PTPRE: variants seen among roughly 807,000 people sequenced by gnomAD.
PTPRE encodes receptor-type tyrosine-protein phosphatase epsilon.
In PTPRE, 51 loss-of-function variants were observed where a neutral mutation model predicts 102.0. The observed-to-expected ratio is 0.50, with a 90% CI of 0.40 to 0.63. The LOEUF (loss-of-function observed/expected upper bound fraction) is 0.63, where lower values mean the gene tolerates loss of function less well. PTPRE is among the 30% of genes least tolerant of loss of function. The pLI is 0.00. For missense variants in PTPRE, 752 were observed against 915.1 expected, an observed-to-expected ratio of 0.82 and a Z score of 2.30; for synonymous variants, 345 against 348.2, an observed-to-expected ratio of 0.99 and a Z score of 0.10.
At chr10:127,926,209 C>T (rs1039167292) in intron 1 of PTPRE, among the ~76,000 whole-genome samples, 1 of 152,190 alleles carries the variant, frequency 6.6e-6, no homozygotes, top group Admixed American at 6.5e-5. Flanking sequence ...TGCTTGCAGC[C>T]TCTCATGCAG....
intron 1 of PTPRE, among the ~76,000 whole-genome samples, chr10:127,937,938 G>T (rs1013586311): frequency 1.3e-5 from 2 of 152,112 alleles, no homozygotes; most frequent in African/African-American, 2.4e-5. Flanking sequence ...TCTCTGTGGC[G>T]TGTGACCTGG....
At chr10:128,078,382 C>T (rs1047362359) in intron 19 of PTPRE, among the ~76,000 whole-genome samples, 3 of 152,244 alleles carry the variant, frequency 2.0e-5, no homozygotes, top group African/African-American at 7.2e-5. Context: ...CTGGTCAAGC[C>T]CACTGGCCAC....
At chr10:128,040,778 A>G in intron 2 of PTPRE, 97 bp from the exon 3 acceptor site, 3 of 867,142 alleles carry the variant, frequency 3.5e-6, no homozygotes, top group African/African-American at 1.7e-5. Flanking sequence ...AAGCCCTGAA[A>G]TGAAGTTGGC....
chr10:127,951,724 C>G (rs1275989339), intron 1 of PTPRE, among the ~76,000 whole-genome samples: 8 of 152,194 alleles, frequency 5.3e-5, no homozygotes, highest in Non-Finnish European at 8.8e-5. Flanking sequence ...AGTGCTATCT[C>G]TACCTACAAA....
intron 2 of PTPRE, among the ~76,000 whole-genome samples, chr10:128,017,272 C>T (rs1349043924): frequency 1.3e-5 from 2 of 151,874 alleles, no homozygotes; most frequent in Non-Finnish European, 2.9e-5. Context: ...GCAAGTGGGG[C>T]GGGCATTAAG....
intron 1 of PTPRE, among the ~76,000 whole-genome samples, chr10:127,950,974 A>G (rs1275280481): frequency 1.3e-5 from 2 of 152,030 alleles, no homozygotes; most frequent in Non-Finnish European, 2.9e-5. Flanking sequence ...GCGGGCGCCT[A>G]TAGTCCCAGC....
chr10:128,039,710 G>A (rs114309606), intron 2 of PTPRE, among the ~76,000 whole-genome samples: 1 of 151,160 alleles, frequency 6.6e-6, no homozygotes. Context: ...GGGTCCATTT[G>A]CATCCCTGAG....
At position 128,079,473 on chromosome 10, in the gene PTPRE, T is replaced by C. The variant is rs942541285; in HGVS notation, c.1893-87T>C. 102 of 1,501,074 alleles carry C rather than the reference T, an allele frequency of 6.8e-5. 1 individual carries two copies. In the Admixed American group the frequency reaches 2.1e-3, roughly 31 times the overall value. 93.0% of individuals were successfully genotyped at this position (1,501,074 alleles called of 1,614,324 possible). A position where few individuals can be genotyped will look rare whatever the true frequency, so the allele number is the denominator to read the frequency against. On this transcript the variant is annotated intron_variant, in intron 19 of 20. Transcript: ENST00000254667. ...TTTTCAGCGATTGTTGCTTCAGTGC[T>C]GATATGCAGGGGTTGGCTGTCAGCT...
intron 6 of PTPRE, 74 bp from the exon 7 acceptor site, chr10:128,056,049 C>A: frequency 8.3e-7 from 1 of 1,198,252 alleles, no homozygotes; most frequent in Admixed American, 1.8e-5. Flanking sequence ...AATTCCTGTG[C>A]TCAGTAGGGA....
intron 2 of PTPRE, among the ~76,000 whole-genome samples, chr10:127,989,465 G>A (rs1334933046): frequency 6.6e-6 from 1 of 152,268 alleles, no homozygotes; most frequent in Non-Finnish European, 1.5e-5. Context: ...AGCAGTCCAG[G>A]CATGCCTTGT....
chr10:128,061,979 C>A (rs1232203988), intron 9 of PTPRE, among the ~76,000 whole-genome samples: 2 of 151,142 alleles, frequency 1.3e-5, no homozygotes, highest in Admixed American at 6.6e-5. Flanking sequence ...CGTCAGATAA[C>A]CTTGAATTTC....
chr10:127,981,637 G>A (rs1311647502), intron 1 of PTPRE, among the ~76,000 whole-genome samples: 1 of 152,072 alleles, frequency 6.6e-6, no homozygotes, highest in Non-Finnish European at 1.5e-5. Context: ...GGCCAACATG[G>A]TGAAACCCTG....
chr10:128,084,475 C>T lies in PTPRE; in HGVS notation c.*1569C>T, dbSNP rs1270397805. ...GATGCTCACAGGGAATCAAGCTTCT[C>T]GCCCACTCCACGGCTCTGAGCCCCA... On this transcript the variant is annotated 3_prime_UTR_variant, in exon 21 of 21. Coordinates refer to ENST00000254667, the MANE Select transcript of PTPRE (RefSeq NM_006504.6). The T allele has an allele frequency of 2.0e-5, 3 of 152,262 alleles. No homozygotes were observed. Among genetic ancestry groups the T allele is most frequent in the Non-Finnish European group, 4.4e-5 (3 of 68,078 alleles). The allele number at this position is 152,262 out of a possible 1,614,324, so 9.4% of individuals were successfully genotyped here. A position where few individuals can be genotyped will look rare whatever the true frequency, so the allele number is the denominator to read the frequency against.
intron 5 of PTPRE, among the ~76,000 whole-genome samples, chr10:128,048,100 G>A (rs559680107): frequency 3.4e-4 from 52 of 152,170 alleles, no homozygotes; most frequent in Admixed American, 5.9e-4. Context: ...ATATCCTGTC[G>A]TTTTCACAGG....
chr10:128,047,590 G>A (rs1848198433), intron 4 of PTPRE, 101 bp downstream of exon 4: 4 of 1,612,340 alleles, frequency 2.5e-6, no homozygotes, highest in Non-Finnish European at 3.4e-6. Flanking sequence ...GGGCAGCTGA[G>A]AGGCTGGGTG....
At chr10:127,956,240 G>A (rs1849393932) in intron 1 of PTPRE, among the ~76,000 whole-genome samples, 1 of 152,048 alleles carries the variant, frequency 6.6e-6, no homozygotes, top group Non-Finnish European at 1.5e-5. Context: ...TAAAAACCTG[G>A]TAAAACATTA....
At position 128,084,435 on chromosome 10, in the gene PTPRE, A is replaced by G. The variant is rs4367863; in HGVS notation, c.*1529A>G. 85,178 of 152,096 alleles carry G rather than the reference A, an allele frequency of 0.56. 24,114 individuals carry two copies. The highest frequency in any genetic ancestry group is 0.68 in the Admixed American group (10,455 of 15,298). 9.4% of individuals were successfully genotyped at this position (152,096 alleles called of 1,614,324 possible). On this transcript the variant is annotated 3_prime_UTR_variant, in exon 21 of 21. Transcript: ENST00000254667. ...GTGTGCAAATGCAACCCCAGGACAC[A>G]TTATTGTTCTGATAGATGCTCACAG...
chr10:128,047,614 GAC>G, intron 4 of PTPRE, 125 bp downstream of exon 4: 1 of 1,613,858 alleles, frequency 6.2e-7, no homozygotes, highest in Non-Finnish European at 8.5e-7. Context: ...GGGCCTGGGA[GAC>G]ACACAGAGGC....
intron 2 of PTPRE, among the ~76,000 whole-genome samples, chr10:128,015,966 A>G (rs1845391123): frequency 6.6e-6 from 1 of 152,194 alleles, no homozygotes; most frequent in South Asian, 2.1e-4. Flanking sequence ...TTAGGACACG[A>G]GCTGCGTGTT....
Sources: allele counts gnomAD v4.1 joint callset (sites outside exome capture counted in the v4.1 genomes callset), GRCh38; gene constraint gnomAD v4.1.1; transcripts MANE v1.5; gene names NCBI Gene and HGNC (gene_info 2026-07-23, HGNC 2026-07-21).